Variants in IL1RAPL1 observed in about 807,000 individuals in gnomAD.
IL1RAPL1 encodes the protein interleukin 1 receptor accessory protein like 1.
A neutral mutation model predicts 48.4 loss-of-function variants in IL1RAPL1; 3 were observed. The ratio of observed to expected loss-of-function variants is 0.06; its 90% confidence interval spans 0.03 to 0.16. The LOEUF is 0.16. Ranked by LOEUF, IL1RAPL1 falls within the 10% of genes least tolerant of loss-of-function variation. The pLI, the probability that IL1RAPL1 is intolerant of heterozygous loss-of-function variation, is 1.00. For missense variants in IL1RAPL1, 349 were observed against 530.6 expected, an observed-to-expected ratio of 0.66 and a Z score of 3.36; for synonymous variants, 185 against 187.7, an observed-to-expected ratio of 0.99 and a Z score of 0.12.
chrX:29,205,287 T>C (rs1477843073), intron 2 of IL1RAPL1, among the ~76,000 whole-genome samples: 1 of 112,076 alleles, frequency 8.9e-6, no homozygotes, highest in Non-Finnish European at 1.9e-5. Flanking sequence ...GTAAATTTTG[T>C]AAATATTTTA....
chrX:28,811,640 A>G (rs903529336), intron 2 of IL1RAPL1, among the ~76,000 whole-genome samples: 4 of 110,352 alleles, frequency 3.6e-5, no homozygotes, highest in Non-Finnish European at 5.7e-5. Context: ...AATAAGATAC[A>G]ATGATTAGAA....
At chrX:28,893,471 C>T (rs371295144) in intron 2 of IL1RAPL1, among the ~76,000 whole-genome samples, 3 of 111,380 alleles carry the variant, frequency 2.7e-5, no homozygotes, top group African/African-American at 9.8e-5. Flanking sequence ...AAGAAATGAC[C>T]GTGGTGGCCT....
intron 6 of IL1RAPL1, among the ~76,000 whole-genome samples, chrX:29,839,917 C>A (rs1426775896): frequency 9.0e-6 from 1 of 111,718 alleles, no homozygotes; most frequent in Non-Finnish European, 1.9e-5. Flanking sequence ...CAGAGTGAGC[C>A]TCTGTCTCAG....
intron 2 of IL1RAPL1, among the ~76,000 whole-genome samples, chrX:29,228,607 C>T (rs1358826048): frequency 1.8e-5 from 2 of 110,885 alleles, no homozygotes; most frequent in African/African-American, 6.6e-5. Context: ...CCCGCCTCGT[C>T]CTCCCAAAGT....
At chrX:28,640,865 A>G (rs953701645) in intron 1 of IL1RAPL1, among the ~76,000 whole-genome samples, 4 of 111,055 alleles carry the variant, frequency 3.6e-5, no homozygotes, top group Non-Finnish European at 7.5e-5. Flanking sequence ...GGAAGCTACC[A>G]GTATTACTTA....
intron 1 of IL1RAPL1, among the ~76,000 whole-genome samples, chrX:28,736,036 G>T (rs967056675): frequency 6.3e-5 from 7 of 110,993 alleles, no homozygotes; most frequent in African/African-American, 2.0e-4. Flanking sequence ...TTAAATTCAA[G>T]ATATTATATA....
At chrX:28,886,728 GA>G (rs1259460279) in intron 2 of IL1RAPL1, among the ~76,000 whole-genome samples, 3 of 110,524 alleles carry the variant, frequency 2.7e-5, no homozygotes, top group Non-Finnish European at 5.7e-5. Context: ...TCAAAACACT[GA>G]ATTAAGTTTT....
At chrX:29,096,156 G>C (rs751939970) in intron 2 of IL1RAPL1, among the ~76,000 whole-genome samples, 132 of 111,318 alleles carry the variant, frequency 1.2e-3, no homozygotes, top group Middle Eastern at 9.3e-3. Flanking sequence ...ATACTGTTCA[G>C]TGCAGCACCC....
rs1229668903 is a variant in IL1RAPL1 at position 29,837,272 on chromosome X, AAT to A, written c.779-80164_779-80163del. Among the ~76,000 whole-genome samples, 286 of 72,057 alleles carry A rather than the reference AAT, an allele frequency of 4.0e-3. 2 individuals are homozygous for A. Among genetic ancestry groups the A allele is most frequent in the East Asian group, 0.011 (24 of 2,115 alleles). The allele number at this position is 72,057 out of a possible 115,157, so 62.6% of individuals were successfully genotyped here. A position where few individuals can be genotyped will look rare whatever the true frequency, so the allele number is the denominator to read the frequency against. On this transcript the variant is annotated intron_variant, in intron 6 of 10. Transcript: ENST00000378993. ...AGACTGCATCTCAAAAAAAAAAAAA[AAT>A]ATATATATATATATATATATATATA... is the stretch of plus-strand genomic sequence containing the variant.
At chrX:29,134,333 G>A (rs1462201883) in intron 2 of IL1RAPL1, among the ~76,000 whole-genome samples, 1 of 111,956 alleles carries the variant, frequency 8.9e-6, no homozygotes, top group Non-Finnish European at 1.9e-5. Flanking sequence ...AAGGGTCCCT[G>A]TTGGTCTATA....
intron 5 of IL1RAPL1, among the ~76,000 whole-genome samples, chrX:29,537,267 G>C (rs931168638): frequency 2.7e-5 from 3 of 110,792 alleles, no homozygotes; most frequent in African/African-American, 9.8e-5. Context: ...ATTATTTAAT[G>C]ATATTGTCTA....
chrX:29,009,728 T>C (rs1220121463), intron 2 of IL1RAPL1, among the ~76,000 whole-genome samples: 1 of 112,308 alleles, frequency 8.9e-6, no homozygotes, highest in Non-Finnish European at 1.9e-5. Context: ...AGTTTTGCTT[T>C]GGCTATTCAG....
intron 1 of IL1RAPL1, among the ~76,000 whole-genome samples, chrX:28,779,153 A>G (rs762784438): frequency 9.0e-6 from 1 of 111,704 alleles, no homozygotes; most frequent in African/African-American, 3.2e-5. Context: ...ACAGGCAAGC[A>G]TCGGCTAGTG....
intron 1 of IL1RAPL1, among the ~76,000 whole-genome samples, chrX:28,708,104 T>C (rs1257543462): frequency 9.0e-6 from 1 of 111,614 alleles, no homozygotes; most frequent in African/African-American, 3.3e-5. Context: ...AATGGAAACA[T>C]TTGGCAACAT....
chrX:29,667,128 T>A, intron 5 of IL1RAPL1, among the ~76,000 whole-genome samples: 1 of 112,408 alleles, frequency 8.9e-6, no homozygotes, highest in East Asian at 2.8e-4. Flanking sequence ...CTTTGCCCTT[T>A]ATTTCTGTCC....
At chrX:29,796,794 A>T (rs887650753) in intron 6 of IL1RAPL1, among the ~76,000 whole-genome samples, 2 of 112,690 alleles carry the variant, frequency 1.8e-5, no homozygotes, top group Admixed American at 1.9e-4. Flanking sequence ...TGCCCTGCAA[A>T]TCCTGCATCT....
chrX:28,724,648 C>G (rs1935640429), intron 1 of IL1RAPL1, among the ~76,000 whole-genome samples: 1 of 110,849 alleles, frequency 9.0e-6, no homozygotes, highest in Admixed American at 9.7e-5. Context: ...ATGATGTTAT[C>G]TGGTTATTTT....
In IL1RAPL1 at chrX:29,514,845, C is replaced by T. The variant is rs141472499; in HGVS notation, c.703+115537C>T. The stretch of plus-strand genomic sequence containing the variant: ...AAAAATCAAAGTTCCTGTCTAAAAC[C>T]TAAAGAATTGTAGTGAAATCAATCA... On this transcript the variant is annotated intron_variant, in intron 5 of 10. Coordinates refer to ENST00000378993, the MANE Select transcript of IL1RAPL1 (RefSeq NM_014271.4). Among the ~76,000 whole-genome samples the T allele has an allele frequency of 2.7e-3, 304 of 112,662 alleles. 1 individual carries two copies. The highest frequency in any genetic ancestry group is 9.3e-3 in the African/African-American group (288 of 31,039).
chrX:29,760,122 G>A (rs1021573043), intron 6 of IL1RAPL1, among the ~76,000 whole-genome samples: 1 of 111,722 alleles, frequency 9.0e-6, no homozygotes, highest in Admixed American at 9.5e-5. Context: ...CTCTTAATCC[G>A]TCTGCACAAT....
Sources: allele counts gnomAD v4.1 joint callset (sites outside exome capture counted in the v4.1 genomes callset), GRCh38; gene constraint gnomAD v4.1.1; transcripts MANE v1.5; gene names NCBI Gene and HGNC (gene_info 2026-07-23, HGNC 2026-07-21).